ASPH: variants seen among roughly 807,000 people sequenced by gnomAD.
The protein encoded by ASPH is aspartyl/asparaginyl beta-hydroxylase.
ASPH carries 100 observed loss-of-function variants against 118.4 expected under a neutral mutation model. That is an observed-to-expected ratio of 0.84 (90% CI 0.72 to 1.00). The LOEUF is 1.00. Ranked by LOEUF, ASPH falls within the 50% of genes least tolerant of loss-of-function variation. The probability of loss-of-function intolerance (pLI) is 0.00; values close to 1 mark genes in which losing one functional copy is unlikely to be tolerated. For missense variants in ASPH, 920 were observed against 919.5 expected (o/e 1.00, Z -0.01); for synonymous variants, 315 against 325.6 (o/e 0.97, Z 0.35).
intron 13 of ASPH, among the ~76,000 whole-genome samples, chr8:61,629,371 C>T (rs1438422828): frequency 1.3e-5 from 2 of 152,150 alleles, no homozygotes; most frequent in African/African-American, 4.8e-5. Flanking sequence ...CTTCATAAGT[C>T]GTTCCATTTG....
At chr8:61,614,566 G>A (rs1447485193) in intron 14 of ASPH, among the ~76,000 whole-genome samples, 2 of 152,140 alleles carry the variant, frequency 1.3e-5, no homozygotes, top group Non-Finnish European at 2.9e-5. Context: ...GTTCACTGCA[G>A]CATCGATCCT....
intron 14 of ASPH, among the ~76,000 whole-genome samples, chr8:61,587,744 G>A (rs1422393701): frequency 6.6e-6 from 1 of 152,056 alleles, no homozygotes; most frequent in African/African-American, 2.4e-5. Context: ...TCTAACTATT[G>A]TACCTGTCTT....
rs1014528736 is a variant in ASPH at position 61,503,213 on chromosome 8, T to C, written c.*146A>G. ...GGCAAATATTCCCTTTAGTGTCTTCTGACCCTAGGAGGAGGCTTTGAATTA... is the reference window on the plus strand; with the variant it reads ...GGCAAATATTCCCTTTAGTGTCTTCCGACCCTAGGAGGAGGCTTTGAATTA... On this transcript the variant is annotated 3_prime_UTR_variant, in exon 25 of 25. Coordinates refer to ENST00000379454, the MANE Select transcript of ASPH (RefSeq NM_004318.4). 3.2e-6 allele frequency: 3 copies of C among 942,574 alleles called. No homozygotes were observed. The highest frequency in any genetic ancestry group is 2.3e-5 in the South Asian group (1 of 44,436). The allele number at this position is 942,574 out of a possible 1,614,324, so 58.4% of individuals were successfully genotyped here.
intron 13 of ASPH, chr8:61,624,116 A>G (rs1220024501): frequency 1.5e-6 from 1 of 664,306 alleles, no homozygotes; most frequent in Non-Finnish European, 1.9e-6. Context: ...ATTTGATAGC[A>G]AAACAGAGTT....
chr8:61,604,815 C>A (rs1000954049), intron 14 of ASPH, among the ~76,000 whole-genome samples: 21 of 152,126 alleles, frequency 1.4e-4, no homozygotes, highest in Non-Finnish European at 4.4e-5. Flanking sequence ...GAATGAGAGA[C>A]CAATTGCACA....
intron 16 of ASPH, among the ~76,000 whole-genome samples, chr8:61,569,674 T>C (rs1410840408): frequency 2.0e-5 from 3 of 152,090 alleles, no homozygotes; most frequent in Non-Finnish European, 2.9e-5. Context: ...ATTAAAGTGA[T>C]GGAAGTGGAC....
rs1563593415 is a variant in ASPH at position 61,501,002 on chromosome 8, T to TAAC, written c.*2354_*2356dup. ...TTTTTCCCCTATTGGTAGAGAACAA[T>TAAC]AACAGAAGTAATTTTTATATTATAC... On this transcript the variant is annotated 3_prime_UTR_variant, in exon 25 of 25. Coordinates refer to ENST00000379454, the MANE Select transcript of ASPH (RefSeq NM_004318.4). 2 of 152,248 alleles carry TAAC rather than the reference T, an allele frequency of 1.3e-5. No homozygotes were observed. The highest frequency in any genetic ancestry group is 4.2e-4 in the South Asian group (2 of 4,818). The allele number at this position is 152,248 out of a possible 1,614,324, so 9.4% of individuals were successfully genotyped here.
intron 21 of ASPH, among the ~76,000 whole-genome samples, chr8:61,535,056 A>C (rs1293582632): frequency 6.6e-6 from 1 of 152,180 alleles, no homozygotes; most frequent in Non-Finnish European, 1.5e-5. Flanking sequence ...CTCTTCTTAT[A>C]AGGACACCAA....
chr8:61,698,293 C>A (rs889791589), intron 1 of ASPH, among the ~76,000 whole-genome samples: 28 of 152,182 alleles, frequency 1.8e-4, no homozygotes, highest in Non-Finnish European at 3.7e-4. Flanking sequence ...AACAGTTGTA[C>A]CCCTGTGACT....
chr8:61,676,580 G>A (rs908442730), intron 3 of ASPH, among the ~76,000 whole-genome samples: 1 of 152,108 alleles, frequency 6.6e-6, no homozygotes, highest in Non-Finnish European at 1.5e-5. Flanking sequence ...TCTCATTAGA[G>A]TGTTGAGTTG....
Position 61,624,552 on chromosome 8 carries a change from T to C in ASPH, c.935-5533A>G, listed in dbSNP as rs1383727717. ...TGACAATATAGAGAATTCTTCTGTA[T>C]TTTATTGCACTCAACATTTAATAGA... On this transcript the variant is annotated intron_variant, in intron 13 of 24. Coordinates refer to ENST00000379454, the MANE Select transcript of ASPH (RefSeq NM_004318.4). The C allele has an allele frequency of 5.1e-6, 5 of 974,688 alleles. No individual in the cohort carries two copies. The East Asian group carries it at 5.7e-4, about 111-fold the overall frequency. The allele number at this position is 974,688 out of a possible 1,614,324, so 60.4% of individuals were successfully genotyped here. A position where few individuals can be genotyped will look rare whatever the true frequency, so the allele number is the denominator to read the frequency against.
Position 61,526,000 on chromosome 8 carries a change from C to T in ASPH, c.1877G>A (p.Ser626Asn), listed in dbSNP as rs372820604. Residue 626 changes from serine (S) to asparagine (N), a missense_variant, in exon 22 of 25, where the codon AGC becomes AAC. Physicochemically the swap from Ser to Asn is conservative, Grantham distance 46. Transcript: ENST00000379454. ...DENLREKGDW[S>N]QFTLWQQGRR... ...ACCTTGCTGCCACAGCGTGAACTGG[C>T]TCCAGTCCCCTTTTTCCCTCAGGTT... The T allele has an allele frequency of 6.2e-7, 1 of 1,613,988 alleles. No homozygotes were observed. Among genetic ancestry groups the T allele is most frequent in the South Asian group, 1.1e-5 (1 of 91,082 alleles).
intron 21 of ASPH, among the ~76,000 whole-genome samples, chr8:61,536,195 A>G (rs6992187): frequency 0.28 from 42,376 of 151,806 alleles, 8,266 homozygotes; most frequent in African/African-American, 0.53. Flanking sequence ...GCCCGCCACC[A>G]TGCCTGGCTA....
intron 21 of ASPH, among the ~76,000 whole-genome samples, chr8:61,538,953 T>C (rs533150062): frequency 7.9e-5 from 12 of 152,252 alleles, no homozygotes; most frequent in African/African-American, 2.9e-4. Context: ...ACAAAAAATA[T>C]ATTTTAGGCC....
chr8:61,534,973 C>T (rs1818944926), intron 21 of ASPH, among the ~76,000 whole-genome samples: 1 of 152,238 alleles, frequency 6.6e-6, no homozygotes, highest in Non-Finnish European at 1.5e-5. Flanking sequence ...AGAGGGCCAA[C>T]TTCTCACTGT....
In ASPH at chr8:61,523,320, CT is replaced by C. The variant is rs781759491; in HGVS notation, c.1900+2656del. On this transcript the variant is annotated intron_variant, in intron 22 of 24. Coordinates refer to ENST00000379454, the MANE Select transcript of ASPH (RefSeq NM_004318.4). ...CACTTATTATTTTCTTTCTTTCTTT[CT>C]TTTTTTTTTTTTTTTTGACAGTCTC... 7.0e-3 allele frequency among the ~76,000 whole-genome samples: 823 copies of C among 118,214 alleles called. 5 individuals carry two copies. Among genetic ancestry groups the C allele is most frequent in the African/African-American group, 0.021 (749 of 35,558 alleles). The allele number at this position is 118,214 out of a possible 152,430, so 77.6% of individuals were successfully genotyped here.
At chr8:61,505,726 T>G (rs1168536773) in intron 24 of ASPH, among the ~76,000 whole-genome samples, 1 of 152,188 alleles carries the variant, frequency 6.6e-6, no homozygotes, top group Non-Finnish European at 1.5e-5. Flanking sequence ...AGAGTTCCAT[T>G]GGAGTTCCAT....
intron 16 of ASPH, among the ~76,000 whole-genome samples, chr8:61,567,685 T>C (rs564940756): frequency 4.6e-5 from 7 of 152,338 alleles, no homozygotes; most frequent in Middle Eastern, 3.4e-3. Context: ...ATTTAACAAC[T>C]GTTTTCTGGG....
intron 1 of ASPH, among the ~76,000 whole-genome samples, chr8:61,705,298 A>G (rs1836316878): frequency 6.6e-6 from 1 of 152,182 alleles, no homozygotes; most frequent in Non-Finnish European, 1.5e-5. Context: ...AGCAGGTATT[A>G]AGCTTATTAC....
Sources: gnomAD v4.1 joint callset for allele counts (sites outside exome capture counted in the v4.1 genomes callset) on GRCh38, gnomAD v4.1.1 for gene constraint, MANE v1.5 for transcripts, NCBI Gene and HGNC (gene_info 2026-07-23, HGNC 2026-07-21) for gene names.